Variants in SPTBN1 observed in about 807,000 individuals in gnomAD.
The protein encoded by SPTBN1 is spectrin beta chain, non-erythrocytic 1.
SPTBN1 carries 32 observed loss-of-function variants against 266.4 expected under a neutral mutation model. That is an observed-to-expected ratio of 0.12 (90% CI 0.09 to 0.16). The LOEUF is 0.16. Ranked by LOEUF, SPTBN1 falls within the 10% of genes least tolerant of loss-of-function variation. SPTBN1 has a pLI of 1.00. For missense variants in SPTBN1, 2,296 were observed against 3,067.1 expected (o/e 0.75, Z 5.94); for synonymous variants, 1,336 against 1,162.2 (o/e 1.15, Z -3.04).
intron 1 of SPTBN1, among the ~76,000 whole-genome samples, chr2:54,497,508 T>C (rs1291647081): frequency 6.6e-6 from 1 of 152,216 alleles, no homozygotes; most frequent in Non-Finnish European, 1.5e-5. Flanking sequence ...ATACTTTACC[T>C]ATGTTTGGTG....
chr2:54,491,645 A>G (rs1327027529), intron 1 of SPTBN1, among the ~76,000 whole-genome samples: 2 of 151,166 alleles, frequency 1.3e-5, no homozygotes, highest in Admixed American at 1.3e-4. Flanking sequence ...GCTGGAGTGC[A>G]GTGGTGCAAA....
At chr2:54,485,655 G>A (rs1184180729) in intron 1 of SPTBN1, among the ~76,000 whole-genome samples, 2 of 151,554 alleles carry the variant, frequency 1.3e-5, no homozygotes, top group Admixed American at 6.6e-5. Context: ...GTCGCCCATC[G>A]TCTGGGATGT....
intron 2 of SPTBN1, among the ~76,000 whole-genome samples, chr2:54,571,570 C>T (rs536856338): frequency 0.12 from 5,053 of 41,390 alleles, 293 homozygotes; most frequent in African/African-American, 0.28. Flanking sequence ...CACACACACA[C>T]ACACATACAC....
chr2:54,527,442 A>T (rs1275782307), intron 2 of SPTBN1: 1 of 152,190 alleles, frequency 6.6e-6, no homozygotes, highest in African/African-American at 2.4e-5. Context: ...TTATAGTGGA[A>T]TCTGATTATG....
chr2:54,464,236 A>G (rs572424656), intron 1 of SPTBN1, among the ~76,000 whole-genome samples: 13 of 152,234 alleles, frequency 8.5e-5, no homozygotes, highest in Non-Finnish European at 1.6e-4. Context: ...GTTTTTAAAC[A>G]AGGATTTTCT....
At chr2:54,516,730 T>C (rs976649848) in intron 1 of SPTBN1, among the ~76,000 whole-genome samples, 5 of 152,182 alleles carry the variant, frequency 3.3e-5, no homozygotes, top group African/African-American at 4.8e-5. Context: ...TCTCAGTCAA[T>C]TTAGAAAGTT....
chr2:54,582,836 C>G (rs1047502933), intron 2 of SPTBN1, among the ~76,000 whole-genome samples: 2 of 152,164 alleles, frequency 1.3e-5, no homozygotes, highest in African/African-American at 4.8e-5. Flanking sequence ...TGGGACTGTG[C>G]TTGCTTCGTG....
intron 1 of SPTBN1, among the ~76,000 whole-genome samples, chr2:54,495,098 C>T (rs1468738135): frequency 1.3e-5 from 2 of 151,978 alleles, no homozygotes; most frequent in Non-Finnish European, 2.9e-5. Flanking sequence ...TGAAGACCCC[C>T]TGGAGGAGGT....
intron 32 of SPTBN1, chr2:54,662,637 T>A (rs1172226106): frequency 6.6e-6 from 1 of 152,274 alleles, no homozygotes; most frequent in Non-Finnish European, 1.5e-5. Context: ...GGCTCAGGCC[T>A]TCCAGACCAA....
chr2:54,485,604 G>A (rs111923253), intron 1 of SPTBN1, among the ~76,000 whole-genome samples: 4,778 of 152,214 alleles, frequency 0.031, 285 homozygotes, highest in African/African-American at 0.11. Flanking sequence ...GCCTCTGCCC[G>A]GCCGCCACCC....
chr2:54,462,773 A>C (rs1255595894), intron 1 of SPTBN1, among the ~76,000 whole-genome samples: 1 of 152,252 alleles, frequency 6.6e-6, no homozygotes, highest in Non-Finnish European at 1.5e-5. Context: ...TAATTTTATA[A>C]AATGGAAGAC....
chr2:54,480,200 A>G (rs529767555), intron 1 of SPTBN1, among the ~76,000 whole-genome samples: 83 of 152,354 alleles, frequency 5.4e-4, no homozygotes, highest in African/African-American at 1.9e-3. Flanking sequence ...TGTAATTAGC[A>G]TCTACACTGG....
In SPTBN1 at chr2:54,605,687, A is replaced by G. The variant is rs150463192; in HGVS notation, c.300+6444A>G. On this transcript the variant is annotated intron_variant, in intron 3 of 35. Coordinates refer to ENST00000356805, the MANE Select transcript of SPTBN1 (RefSeq NM_003128.3). ...TTGCCCAGGTATTGTGCTTTAAAAC[A>G]TGTGAGAAGCCTACTCTGAAGCAGA... Among the ~76,000 whole-genome samples, 642 of 152,372 alleles carry G rather than the reference A, an allele frequency of 4.2e-3. 4 individuals carry two copies. The highest frequency in any genetic ancestry group is 6.9e-3 in the Non-Finnish European group (467 of 68,034).
chr2:54,470,807 C>G (rs1291431385), intron 1 of SPTBN1, among the ~76,000 whole-genome samples: 1 of 152,082 alleles, frequency 6.6e-6, no homozygotes, highest in African/African-American at 2.4e-5. Flanking sequence ...GAACCTGTCT[C>G]AAACCCCACA....
Position 54,606,765 on chromosome 2 carries a change from GGGC to G in SPTBN1, c.301-5392_301-5390del, listed in dbSNP as rs770922048. On this transcript the variant is annotated intron_variant, in intron 3 of 35. Transcript: ENST00000356805. ...AGAGCTGCTCCACCCACCTCTTCTAGGGCGGCACCGATTACACAGGCATCCCTT... is the reference window on the plus strand; with the variant it reads ...AGAGCTGCTCCACCCACCTCTTCTAGGGCACCGATTACACAGGCATCCCTT... Among the ~76,000 whole-genome samples, 8 of 152,280 alleles carry G rather than the reference GGGC, an allele frequency of 5.3e-5. No individual in the cohort carries two copies. In the East Asian group the frequency reaches 1.5e-3, roughly 29 times the overall value.
chr2:54,515,801 A>C (rs1670080335), intron 1 of SPTBN1: 1 of 152,228 alleles, frequency 6.6e-6, no homozygotes, highest in Non-Finnish European at 1.5e-5. Flanking sequence ...CACTGGGATT[A>C]CAGATGTGAG....
chr2:54,487,745 C>G lies in SPTBN1; in HGVS notation c.-48+31227C>G, dbSNP rs568795335. Reference sequence around the variant, plus strand: ...GTCGCAGTATCTTTTATGAAATACTCAAAGTCAAAAGTTGGTCAGAATTTC... The same window carrying G: ...GTCGCAGTATCTTTTATGAAATACTGAAAGTCAAAAGTTGGTCAGAATTTC... On this transcript the variant is annotated intron_variant, in intron 1 of 35. Coordinates refer to ENST00000356805, the MANE Select transcript of SPTBN1 (RefSeq NM_003128.3). 2.6e-3 allele frequency among the ~76,000 whole-genome samples: 387 copies of G among 150,876 alleles called. 1 individual carries two copies. The highest frequency in any genetic ancestry group is 8.4e-3 in the African/African-American group (346 of 41,094).
At chr2:54,634,831 G>A (rs1435467048) in intron 17 of SPTBN1, among the ~76,000 whole-genome samples, 1 of 152,206 alleles carries the variant, frequency 6.6e-6, no homozygotes, top group African/African-American at 2.4e-5. Context: ...TAACAGATGT[G>A]GGTGGGGCAT....
At chr2:54,617,135 A>C (rs1677661305) in intron 5 of SPTBN1, among the ~76,000 whole-genome samples, 1 of 152,244 alleles carries the variant, frequency 6.6e-6, no homozygotes, top group African/African-American at 2.4e-5. Context: ...GGGAGGTACT[A>C]CTTTTACAAA....
Sources: allele counts gnomAD v4.1 joint callset (sites outside exome capture counted in the v4.1 genomes callset), GRCh38; gene constraint gnomAD v4.1.1; transcripts MANE v1.5; gene names NCBI Gene and HGNC (gene_info 2026-07-23, HGNC 2026-07-21).